Variants in ATP11B observed in about 807,000 individuals in gnomAD.
ATP11B encodes phospholipid-transporting ATPase IF.
In ATP11B, 81 loss-of-function variants were observed where a neutral mutation model predicts 157.8. That is an observed-to-expected ratio of 0.51 (90% CI 0.43 to 0.62). The LOEUF (loss-of-function observed/expected upper bound fraction) is 0.62, where lower values mean the gene tolerates loss of function less well. ATP11B is among the 20% of genes least tolerant of loss of function. The pLI is 0.00. For missense variants in ATP11B, 1,165 were observed against 1,402.2 expected (o/e 0.83, Z 2.70); for synonymous variants, 451 against 469.4 (o/e 0.96, Z 0.51).
At chr3:182,910,888 G>T (rs994052565) in intron 28 of ATP11B, among the ~76,000 whole-genome samples, 3 of 152,170 alleles carry the variant, frequency 2.0e-5, no homozygotes, top group Non-Finnish European at 4.4e-5. Context: ...TCTTGAGCCA[G>T]TGCTTTTACA....
chr3:182,897,743 T>G (rs1040273488), intron 27 of ATP11B, among the ~76,000 whole-genome samples: 1 of 152,038 alleles, frequency 6.6e-6, no homozygotes, highest in Admixed American at 6.5e-5. Context: ...TTCTTTACAC[T>G]AGTTATATTA....
rs191194358 is a variant in ATP11B, at chr3:182,860,560, A to T, written c.1200+1201A>T. On this transcript the variant is annotated intron_variant, in intron 12 of 29. Coordinates refer to ENST00000323116, the MANE Select transcript of ATP11B (RefSeq NM_014616.3). ...AATACATGTCTTTCAATTCTAGGAAATTTTCTTGTACTATTGTTTTGATAA... is the reference window on the plus strand; with the variant it reads ...AATACATGTCTTTCAATTCTAGGAATTTTTCTTGTACTATTGTTTTGATAA... Among the ~76,000 whole-genome samples, 54 of 152,114 alleles carry T rather than the reference A, an allele frequency of 3.5e-4. No individual in the cohort carries two copies. The East Asian group carries it at 9.7e-3, about 27-fold the overall frequency.
intron 1 of ATP11B, among the ~76,000 whole-genome samples, chr3:182,797,016 C>A (rs79484915): frequency 1.3e-5 from 2 of 152,186 alleles, no homozygotes; most frequent in East Asian, 1.9e-4. Flanking sequence ...TCTGAACTCC[C>A]TCAACTTTCT....
chr3:182,880,975 G>A lies in ATP11B; in HGVS notation c.2503G>A (p.Gly835Ser). The change falls in exon 21 of 30, where the codon GGC becomes AGC. Residue 835 changes from glycine to serine, a missense_variant. Coordinates refer to ENST00000323116, the MANE Select transcript of ATP11B (RefSeq NM_014616.3). Reference sequence around the variant, plus strand: ...AAGCATGATACAAGAAGCCCATGTTGGCATAGGTGATTGATTCTTCCTGAA... The same window carrying A: ...AAGCATGATACAAGAAGCCCATGTTAGCATAGGTGATTGATTCTTCCTGAA... ...DVSMIQEAHV[G>S]IGIMGKEGRQ... 1 of 1,586,576 alleles carries A rather than the reference G, an allele frequency of 6.3e-7. No individual in the cohort carries two copies. Among genetic ancestry groups the A allele is most frequent in the Non-Finnish European group, 8.6e-7 (1 of 1,169,186 alleles).
At chr3:182,859,616 CACT>C (rs1162533895) in intron 12 of ATP11B, among the ~76,000 whole-genome samples, 1 of 152,138 alleles carries the variant, frequency 6.6e-6, no homozygotes, top group East Asian at 1.9e-4. Context: ...ATAACTCTTA[CACT>C]ACTCTTCCCA....
In ATP11B at chr3:182,920,671, C is replaced by T. The variant is rs528543476; in HGVS notation, c.*2567C>T. 6.6e-6 allele frequency: 1 copy of T among 152,392 alleles called. No homozygotes were observed. Among genetic ancestry groups the T allele is most frequent in the East Asian group, 1.9e-4 (1 of 5,188 alleles). 9.4% of individuals were successfully genotyped at this position (152,392 alleles called of 1,614,324 possible). Reference sequence around the variant, plus strand: ...CTGAAGATAGTGGCAAGCACCAAGTCAGTTTCCAAAATTGCCCCTCAGCTG... The same window carrying T: ...CTGAAGATAGTGGCAAGCACCAAGTTAGTTTCCAAAATTGCCCCTCAGCTG... On this transcript the variant is annotated 3_prime_UTR_variant, in exon 30 of 30. Transcript: ENST00000323116.
chr3:182,841,934 G>A (rs189518143), intron 7 of ATP11B, 141 bp from the exon 8 acceptor site: 30 of 489,792 alleles, frequency 6.1e-5, no homozygotes, highest in Non-Finnish European at 7.8e-5. Context: ...AGCCGAGATC[G>A]CACCACTGCA....
chr3:182,913,733 A>G (rs1242920606), intron 28 of ATP11B, 128 bp from the exon 29 acceptor site: 34 of 1,473,710 alleles, frequency 2.3e-5, no homozygotes, highest in Non-Finnish European at 3.1e-5. Flanking sequence ...TATGTTTCCC[A>G]TATTATAGAA....
chr3:182,806,886 A>G (rs1328768330), intron 1 of ATP11B, among the ~76,000 whole-genome samples: 1 of 152,148 alleles, frequency 6.6e-6, no homozygotes, highest in Non-Finnish European at 1.5e-5. Context: ...CTCTAGAACC[A>G]TGGTGCAGAG....
At chr3:182,862,853 G>C (rs957258599) in intron 12 of ATP11B, among the ~76,000 whole-genome samples, 2 of 151,030 alleles carry the variant, frequency 1.3e-5, no homozygotes, top group East Asian at 3.9e-4. Context: ...AGTTTTAAGA[G>C]AACCAGAGAT....
chr3:182,804,931 C>T (rs779799151), intron 1 of ATP11B, among the ~76,000 whole-genome samples: 16 of 151,600 alleles, frequency 1.1e-4, no homozygotes, highest in Non-Finnish European at 2.2e-4. Flanking sequence ...TTTCAAGGTT[C>T]TTCTATGTTG....
intron 12 of ATP11B, among the ~76,000 whole-genome samples, chr3:182,859,709 CATT>C (rs1720688102): frequency 1.3e-5 from 2 of 152,116 alleles, no homozygotes; most frequent in Non-Finnish European, 2.9e-5. Flanking sequence ...TTTTTATTAA[CATT>C]ATTATGATTG....
chr3:182,818,928 AAAAG>A (rs1199094866), intron 1 of ATP11B, among the ~76,000 whole-genome samples: 7 of 151,050 alleles, frequency 4.6e-5, no homozygotes. Context: ...AAAAAAAAAA[AAAAG>A]AAAAAAAGAA....
intron 1 of ATP11B, among the ~76,000 whole-genome samples, chr3:182,811,889 G>A (rs1716689298): frequency 2.6e-5 from 4 of 152,062 alleles, no homozygotes; most frequent in Admixed American, 2.6e-4. Context: ...TGGTGAGACT[G>A]GTACAAAGTA....
rs375158450 is a variant in ATP11B at position 182,918,016 on chromosome 3, A to G, written c.3453-7A>G. 6.2e-7 allele frequency: 1 copy of G among 1,612,366 alleles called. No individual in the cohort carries two copies. The highest frequency in any genetic ancestry group is 1.3e-5 in the African/African-American group (1 of 74,850). On this transcript the variant is annotated splice_region_variant and splice_polypyrimidine_tract_variant and intron_variant, in intron 29 of 29. Coordinates refer to ENST00000323116, the MANE Select transcript of ATP11B (RefSeq NM_014616.3). The stretch of plus-strand genomic sequence containing the variant: ...TGAGCCAAACTTTTCTCTTATTGTT[A>G]CTTTAGATCATGGAGTGCATCGGAT...
At chr3:182,909,324 C>T (rs1010686046) in intron 28 of ATP11B, among the ~76,000 whole-genome samples, 1 of 152,212 alleles carries the variant, frequency 6.6e-6, no homozygotes, top group Non-Finnish European at 1.5e-5. Flanking sequence ...TTTTGCTTGA[C>T]AGCCTTTCTA....
Position 182,858,001 on chromosome 3 carries a change from A to G in ATP11B, c.975A>G (p.Lys325=), listed in dbSNP as rs775047138. 2.5e-6 allele frequency: 4 copies of G among 1,612,186 alleles called. No individual in the cohort carries two copies. Among genetic ancestry groups the G allele is most frequent in the Non-Finnish European group, 2.5e-6 (3 of 1,178,706 alleles). Residue 325 remains lysine, a synonymous_variant, in exon 11 of 30, where the codon AAA becomes AAG. Coordinates refer to ENST00000323116, the MANE Select transcript of ATP11B (RefSeq NM_014616.3). ...EKWDEPWYNQ[K]TEHQRNSSKI... ...GGGATGAACCTTGGTATAACCAAAAAACAGAACATCAAAGAAATAGCAGTA... is the reference window on the plus strand; with the variant it reads ...GGGATGAACCTTGGTATAACCAAAAGACAGAACATCAAAGAAATAGCAGTA...
chr3:182,876,315 T>C (rs1164145351), intron 19 of ATP11B, among the ~76,000 whole-genome samples: 1 of 152,242 alleles, frequency 6.6e-6, no homozygotes, highest in Admixed American at 6.5e-5. Flanking sequence ...AACAAAGTCA[T>C]CAGAAGATTA....
intron 7 of ATP11B, among the ~76,000 whole-genome samples, chr3:182,838,934 T>C (rs1476648517): frequency 6.6e-6 from 1 of 152,132 alleles, no homozygotes; most frequent in Non-Finnish European, 1.5e-5. Flanking sequence ...TACTGAAATA[T>C]AATGTTAAAT....
Sources: gnomAD v4.1 joint callset for allele counts (sites outside exome capture counted in the v4.1 genomes callset) on GRCh38, gnomAD v4.1.1 for gene constraint, MANE v1.5 for transcripts, NCBI Gene and HGNC (gene_info 2026-07-23, HGNC 2026-07-21) for gene names.